NLRC5: variants seen among roughly 807,000 people sequenced by gnomAD.
The protein encoded by NLRC5 is protein NLRC5.
Under a neutral mutation model 206.9 loss-of-function variants are expected in NLRC5, and 114 were observed. The observed-to-expected ratio is 0.55, with a 90% confidence interval of 0.47 to 0.64. The LOEUF is 0.64. Among genes scored for constraint, NLRC5 ranks in the 30% least tolerant of loss-of-function variants. The probability of loss-of-function intolerance (pLI) is 0.00; values close to 1 mark genes in which losing one functional copy is unlikely to be tolerated. For missense variants in NLRC5, 2,008 were observed against 2,305.5 expected (o/e 0.87, Z 2.64); for synonymous variants, 952 against 962.8 (o/e 0.99, Z 0.21).
Position 57,055,505 on chromosome 16 carries a change from C to T in NLRC5, c.3732C>T (p.Asp1244=), listed in dbSNP as rs199738641. ...SLCWLLSKCK[D]LSQVDLSANL... ...GCTGGTTGCTGAGCAAGTGTAAAGA[C>T]CTCAGCCAGGTGGAGTAAGTTGAGG... Residue 1244 remains aspartate (D), a synonymous_variant, in exon 27 of 49, where the codon GAC becomes GAT. Coordinates refer to ENST00000688547, the MANE Select transcript of NLRC5 (RefSeq NM_001384950.1). 69 of 1,613,388 alleles carry T rather than the reference C, an allele frequency of 4.3e-5. No homozygotes were observed. Among genetic ancestry groups the T allele is most frequent in the Non-Finnish European group, 3.6e-5 (43 of 1,179,688 alleles).
At chr16:57,065,383 G>A (rs75662143) in intron 33 of NLRC5, 85 bp downstream of exon 33, 122,244 of 932,086 alleles carry the variant, frequency 0.13, 8,527 homozygotes, top group Non-Finnish European at 0.14. Flanking sequence ...CATCCTGTGG[G>A]GTAATAGCTG....
intron 1 of NLRC5, chr16:57,013,822 A>C: frequency 1.4e-6 from 1 of 703,052 alleles, no homozygotes; most frequent in Non-Finnish European, 2.6e-6. Flanking sequence ...CAGTATCTCC[A>C]GCATAAGTTA....
intron 48 of NLRC5, 127 bp from the exon 49 acceptor site, chr16:57,082,290 A>C (rs2069246202): frequency 2.9e-6 from 2 of 687,174 alleles, no homozygotes; most frequent in African/African-American, 3.6e-5. Context: ...ATGCTGGTCT[A>C]ACACCTGCCT....
At chr16:57,056,077 T>C (rs1168326385) in intron 27 of NLRC5, among the ~76,000 whole-genome samples, 4 of 152,234 alleles carry the variant, frequency 2.6e-5, no homozygotes, top group Admixed American at 1.3e-4. Context: ...CTAGTATTGT[T>C]CTCATTTTAC....
chr16:57,013,830 T>C, intron 1 of NLRC5: 1 of 696,040 alleles, frequency 1.4e-6, no homozygotes, highest in Non-Finnish European at 2.6e-6. Flanking sequence ...CCAGCATAAG[T>C]TATTTCATCC....
At chr16:57,011,394 C>A (rs1338443709) in intron 1 of NLRC5, among the ~76,000 whole-genome samples, 1 of 137,862 alleles carries the variant, frequency 7.3e-6, no homozygotes, top group Non-Finnish European at 1.5e-5. Context: ...GTCTAGGCGA[C>A]AGAGGGAGAC....
chr16:57,022,232 A>T (rs1274275573), intron 3 of NLRC5, 24 bp from the exon 4 acceptor site: 2 of 1,605,400 alleles, frequency 1.2e-6, no homozygotes, highest in African/African-American at 1.3e-5. Flanking sequence ...CCCATACCAC[A>T]TTATACTCTC....
intron 43 of NLRC5, 71 bp downstream of exon 43, chr16:57,078,091 C>T: frequency 1.6e-6 from 2 of 1,274,138 alleles, no homozygotes; most frequent in South Asian, 3.0e-5. Flanking sequence ...TGGGGGGGTC[C>T]AGGCCCCCAT....
At chr16:57,030,229 C>T in intron 10 of NLRC5, 145 bp downstream of exon 10, 9 of 643,986 alleles carry the variant, frequency 1.4e-5, no homozygotes, top group Non-Finnish European at 2.2e-5. Flanking sequence ...CCTTCAGAAC[C>T]TAGCTCAGGC....
chr16:57,007,795 T>C (rs2059084068), intron 1 of NLRC5, among the ~76,000 whole-genome samples: 1 of 152,158 alleles, frequency 6.6e-6, no homozygotes, highest in African/African-American at 2.4e-5. Flanking sequence ...CTTTGCCTAG[T>C]TTTCTATGAG....
At chr16:57,047,184 A>T (rs1384619938) in intron 22 of NLRC5, among the ~76,000 whole-genome samples, 1 of 152,188 alleles carries the variant, frequency 6.6e-6, no homozygotes, top group Non-Finnish European at 1.5e-5. Flanking sequence ...CAGTGTTAAA[A>T]TGTGAGACAC....
intron 24 of NLRC5, chr16:57,052,610 G>A: frequency 6.6e-6 from 1 of 152,198 alleles, no homozygotes. Context: ...AAATCATAAT[G>A]TTAATAACAT....
At chr16:57,043,784 A>G in intron 20 of NLRC5, 180 bp downstream of exon 20, 1 of 629,642 alleles carries the variant, frequency 1.6e-6, no homozygotes, top group Non-Finnish European at 2.9e-6. Context: ...GATCAAATGA[A>G]TGAATAAGTA....
rs1162232504 is a variant in NLRC5 at position 57,026,511 on chromosome 16, C to T, written c.1568C>T (p.Ala523Val). 6.2e-7 allele frequency: 1 copy of T among 1,614,132 alleles called. No individual in the cohort carries two copies. The highest frequency in any genetic ancestry group is 8.5e-7 in the Non-Finnish European group (1 of 1,180,042). Residue 523 changes from alanine to valine, a missense_variant, in exon 6 of 49, where the codon GCC (alanine) becomes GTC (valine). Coordinates refer to ENST00000688547, the MANE Select transcript of NLRC5 (RefSeq NM_001384950.1). ...THLSLQEFLA[A>V]LHLMASPKVN... ...CTCAGCCTGCAGGAGTTTCTTGCTG[C>T]CCTGCACCTGATGGCCAGCCCCAAG... is the stretch of plus-strand genomic sequence containing the variant.
chr16:57,036,514 T>C (rs2062598564), intron 14 of NLRC5, among the ~76,000 whole-genome samples: 2 of 152,026 alleles, frequency 1.3e-5, no homozygotes, highest in African/African-American at 4.8e-5. Context: ...GATGTTGCAC[T>C]GTGGAGGTGT....
intron 38 of NLRC5, among the ~76,000 whole-genome samples, chr16:57,073,303 C>T (rs1228545593): frequency 1.3e-5 from 2 of 152,250 alleles, no homozygotes; most frequent in Middle Eastern, 3.4e-3. Flanking sequence ...CGTCAGTGCC[C>T]GGAGGTCTCT....
intron 20 of NLRC5, 84 bp from the exon 21 acceptor site, chr16:57,045,364 G>T: frequency 7.1e-7 from 1 of 1,400,318 alleles, no homozygotes; most frequent in Non-Finnish European, 1.0e-6. Context: ...GGCCCTCCTT[G>T]CCCTGACCAG....
In NLRC5 at chr16:57,055,048, A is replaced by T. The variant is rs549478838; in HGVS notation, c.3613A>T (p.Thr1205Ser). The change falls in exon 26 of 49, where the codon ACT (threonine) becomes TCT (serine). Residue 1205 changes from threonine (T) to serine (S), a missense_variant. Physicochemically the swap from Thr to Ser is moderately conservative, Grantham distance 58. Coordinates refer to ENST00000688547, the MANE Select transcript of NLRC5 (RefSeq NM_001384950.1). ...CTGATCCAGGTCCCTGCACCATGCAACTTTGCACTTCAGATCCAACGAGGA... is the reference window on the plus strand; with the variant it reads ...CTGATCCAGGTCCCTGCACCATGCATCTTTGCACTTCAGATCCAACGAGGA... Reference protein sequence around the residue: ...KVDLRSLHHATLHFRSNEEEE... With the variant: ...KVDLRSLHHASLHFRSNEEEE... 1 of 1,614,232 alleles carries T rather than the reference A, an allele frequency of 6.2e-7. No homozygotes were observed. The highest frequency in any genetic ancestry group is 1.7e-5 in the Admixed American group (1 of 60,030).
At chr16:57,009,097 C>T (rs1356759825) in intron 1 of NLRC5, among the ~76,000 whole-genome samples, 3 of 151,908 alleles carry the variant, frequency 2.0e-5, no homozygotes, top group African/African-American at 7.2e-5. Flanking sequence ...TTGAGACCCG[C>T]CTGGCCAACA....
Sources: gnomAD v4.1 joint callset for allele counts (sites outside exome capture counted in the v4.1 genomes callset) on GRCh38, gnomAD v4.1.1 for gene constraint, MANE v1.5 for transcripts, NCBI Gene and HGNC (gene_info 2026-07-23, HGNC 2026-07-21) for gene names.